Variants in CROCC2 observed in about 807,000 individuals in gnomAD.
The protein encoded by CROCC2 is ciliary rootlet coiled-coil, rootletin family member 2, also known as ciliary rootlet coiled-coil protein 2.
A neutral mutation model predicts 177.6 loss-of-function variants in CROCC2; 163 were observed. The ratio of observed to expected loss-of-function variants is 0.92; its 90% CI spans 0.81 to 1.05. The LOEUF is 1.05. Among genes scored for constraint, CROCC2 ranks in the 50% least tolerant of loss-of-function variants. The pLI is 0.00. For missense variants in CROCC2, 1,929 were observed against 1,797.8 expected (o/e 1.07, Z -1.32); for synonymous variants, 904 against 787.3 (o/e 1.15, Z -2.48).
chr2:240,969,442 C>T (rs1199928042), intron 27 of CROCC2, among the ~76,000 whole-genome samples: 1 of 152,198 alleles, frequency 6.6e-6, no homozygotes, highest in Admixed American at 6.5e-5. Flanking sequence ...GCAAGGTCCT[C>T]ATTAGCCAGC....
chr2:240,911,296 C>CCTTT (rs1553653997), intron 1 of CROCC2, among the ~76,000 whole-genome samples: 1 of 123,076 alleles, frequency 8.1e-6, no homozygotes, highest in Non-Finnish European at 1.6e-5. Context: ...ACGTCCACAA[C>CCTTT]TTTTTTTTTT....
chr2:240,948,886 T>G, intron 15 of CROCC2, 93 bp from the exon 16 acceptor site: 1 of 1,137,330 alleles, frequency 8.8e-7, no homozygotes, highest in Non-Finnish European at 1.3e-6. Flanking sequence ...GCATTTCAGC[T>G]GAGTCTCATT....
At chr2:240,962,002 CTCA>C (rs1359697279) in intron 20 of CROCC2, among the ~76,000 whole-genome samples, 1 of 144,980 alleles carries the variant, frequency 6.9e-6, no homozygotes, top group African/African-American at 2.6e-5. Context: ...CACACACACA[CTCA>C]TCACCCACAC....
rs556819600 is a variant in CROCC2 at position 240,949,573 on chromosome 2, A to G, written c.2523A>G (p.Glu841=). Residue 841 remains glutamate (E), a synonymous_variant, in exon 17 of 32, where the codon GAA becomes GAG. Transcript: ENST00000690015. The surrounding 1 kb of genome is among the most constrained non-coding windows in gnomAD (Gnocchi z 4.5). ...TACAAAGTGACTGGGAGGTCCAGGAAATGAAGCTGCGGCAGGACACGGTGC... is the reference window on the plus strand; with the variant it reads ...TACAAAGTGACTGGGAGGTCCAGGAGATGAAGCTGCGGCAGGACACGGTGC... The part of the protein sequence containing the change: ...EQLQSDWEVQ[E]MKLRQDTVRL... 31 of 1,550,448 alleles carry G rather than the reference A, an allele frequency of 2.0e-5. No homozygotes were observed. The East Asian group carries it at 6.6e-4, about 33-fold the overall frequency.
In CROCC2 at chr2:240,958,573, AGCCGCCCCCC is replaced by A; in HGVS notation, c.2944-724_2944-715del. ...GCTCTGGAGGGAGCCATCCCCCACCAGCCGCCCCCCGCCAGCCGCCTGCTGCTGCCTGGAG... is the reference window on the plus strand; with the variant it reads ...GCTCTGGAGGGAGCCATCCCCCACCAGCCAGCCGCCTGCTGCTGCCTGGAG... On this transcript the variant is annotated intron_variant, in intron 19 of 31. Coordinates refer to ENST00000690015, the MANE Select transcript of CROCC2 (RefSeq NM_001351305.2). This position sits in a 1 kb window ranked among gnomAD's most constrained non-coding sequence, Gnocchi z 6.7. 1 of 985,136 alleles carries A rather than the reference AGCCGCCCCCC, an allele frequency of 1.0e-6. No homozygotes were observed. The allele number at this position is 985,136 out of a possible 1,614,324, so 61.0% of individuals were successfully genotyped here.
intron 26 of CROCC2, 26 bp from the exon 27 acceptor site, chr2:240,968,103 C>T (rs933289276): frequency 7.1e-7 from 1 of 1,414,814 alleles, no homozygotes; most frequent in Non-Finnish European, 9.2e-7. Flanking sequence ...ATGGGGGCCC[C>T]TCAAGCCACC....
chr2:240,985,732 CCA>C (rs200467504), intron 28 of CROCC2, among the ~76,000 whole-genome samples: 6 of 32,880 alleles, frequency 1.8e-4, no homozygotes, highest in African/African-American at 4.5e-4. Flanking sequence ...GGCACTCACT[CCA>C]CACACACACC....
chr2:240,928,454 A>T (rs1392280205), intron 5 of CROCC2, among the ~76,000 whole-genome samples: 1 of 96,892 alleles, frequency 1.0e-5, no homozygotes, highest in Non-Finnish European at 2.0e-5. Context: ...GTGTGTGTGT[A>T]GCAAGAAATT....
At chr2:240,969,060 C>T (rs895004197) in intron 27 of CROCC2, among the ~76,000 whole-genome samples, 29 of 152,218 alleles carry the variant, frequency 1.9e-4, no homozygotes, top group African/African-American at 6.5e-4. Flanking sequence ...CTCCCCAGGG[C>T]AACTGCCCCC....
chr2:240,983,648 G>A, intron 28 of CROCC2: 1 of 1,276,752 alleles, frequency 7.8e-7, no homozygotes, highest in Non-Finnish European at 1.0e-6. Context: ...GGCGCGGCTG[G>A]GAGAGGCGCT....
chr2:240,962,012 ACACACACACACACACACGCACG>A lies in CROCC2; in HGVS notation c.3088-1536_3088-1515del, dbSNP rs1559606520. Among the ~76,000 whole-genome samples the A allele has an allele frequency of 1.9e-3, 123 of 65,052 alleles. 1 individual carries two copies. Among genetic ancestry groups the A allele is most frequent in the Admixed American group, 3.7e-3 (26 of 7,110 alleles). 42.7% of individuals were successfully genotyped at this position (65,052 alleles called of 152,430 possible). A position where few individuals can be genotyped will look rare whatever the true frequency, so the allele number is the denominator to read the frequency against. On this transcript the variant is annotated intron_variant, in intron 20 of 31. Coordinates refer to ENST00000690015, the MANE Select transcript of CROCC2 (RefSeq NM_001351305.2). Reference sequence around the variant, plus strand: ...CGGCCCACACACACACTCATCACCCACACACACACACACACACGCACGCACACACGCGCACACACATACACTC... The same window carrying A: ...CGGCCCACACACACACTCATCACCCACACACACGCGCACACACATACACTC...
At chr2:240,991,019 C>T (rs2059875980) in intron 30 of CROCC2, among the ~76,000 whole-genome samples, 177 bp from the exon 31 acceptor site, 1 of 152,260 alleles carries the variant, frequency 6.6e-6, no homozygotes, top group Non-Finnish European at 1.5e-5. Flanking sequence ...TCTCTGGCAG[C>T]AAAGGAGTCA....
At chr2:240,927,704 G>T (rs1480190831) in intron 5 of CROCC2, among the ~76,000 whole-genome samples, 2 of 152,166 alleles carry the variant, frequency 1.3e-5, no homozygotes, top group Non-Finnish European at 2.9e-5. Flanking sequence ...AGGCTGGAGT[G>T]CAGTGGCACA....
chr2:240,926,310 C>A (rs2106457810), intron 5 of CROCC2, among the ~76,000 whole-genome samples: 1 of 152,312 alleles, frequency 6.6e-6, no homozygotes, highest in South Asian at 2.1e-4. Context: ...TTTCCCACTC[C>A]AACTTCTGAG....
intron 18 of CROCC2, 43 bp from the exon 19 acceptor site, chr2:240,955,816 G>C: frequency 2.1e-6 from 3 of 1,434,810 alleles, no homozygotes; most frequent in Non-Finnish European, 2.8e-6. Context: ...TCCCTCCCCC[G>C]AGACTCCCCA....
intron 14 of CROCC2, among the ~76,000 whole-genome samples, chr2:240,939,309 T>A (rs2059484655): frequency 6.6e-6 from 1 of 152,176 alleles, no homozygotes; most frequent in African/African-American, 2.4e-5. Context: ...ATTACACTGA[T>A]TAATTTTTTA....
chr2:240,962,026 A>G (rs780397845), intron 20 of CROCC2, among the ~76,000 whole-genome samples: 115 of 27,956 alleles, frequency 4.1e-3, no homozygotes, highest in African/African-American at 0.012. Flanking sequence ...ACACACACAC[A>G]CACGCACGCA....
chr2:240,916,478 C>CT (rs1405053751), intron 1 of CROCC2, among the ~76,000 whole-genome samples: 1 of 76,696 alleles, frequency 1.3e-5, no homozygotes, highest in East Asian at 6.8e-4. Flanking sequence ...CCCGTGCCCC[C>CT]GCGCCCCCGC....
At chr2:240,943,075 A>G (rs1442809687) in intron 14 of CROCC2, among the ~76,000 whole-genome samples, 1 of 151,956 alleles carries the variant, frequency 6.6e-6, no homozygotes, top group Non-Finnish European at 1.5e-5. Context: ...TGGCATGACC[A>G]TGGTTCACTG....
Sources: allele counts gnomAD v4.1 joint callset (sites outside exome capture counted in the v4.1 genomes callset), GRCh38; gene constraint gnomAD v4.1.1; non-coding constraint Gnocchi (gnomAD v3.1); transcripts MANE v1.5; gene names NCBI Gene and HGNC (gene_info 2026-07-23, HGNC 2026-07-21).